MTF2: variants seen among roughly 807,000 people sequenced by gnomAD.
MTF2 encodes the protein metal-response element-binding transcription factor 2.
A neutral mutation model predicts 79.5 loss-of-function variants in MTF2; 11 were observed. The ratio of observed to expected loss-of-function variants is 0.14; its 90% CI spans 0.09 to 0.23. The LOEUF (loss-of-function observed/expected upper bound fraction) is 0.23. Ranked by LOEUF, MTF2 falls within the 10% of genes least tolerant of loss-of-function variation. The pLI is 1.00. For missense variants in MTF2, 486 were observed against 711.2 expected, an observed-to-expected ratio of 0.68 and a Z score of 3.60; for synonymous variants, 208 against 232.8, an observed-to-expected ratio of 0.89 and a Z score of 0.97.
chr1:93,097,024 G>T (rs1655319100), intron 1 of MTF2, among the ~76,000 whole-genome samples: 1 of 151,764 alleles, frequency 6.6e-6, no homozygotes, highest in African/African-American at 2.4e-5. Flanking sequence ...TGCCTAGGCT[G>T]GTCTCAAACT....
intron 1 of MTF2, among the ~76,000 whole-genome samples, chr1:93,094,651 A>G (rs1304934621): frequency 6.6e-6 from 1 of 151,418 alleles, no homozygotes; most frequent in Non-Finnish European, 1.5e-5. Flanking sequence ...CTAGATCTAG[A>G]GGCTTACCAG....
At chr1:93,079,769 C>T (rs1654523666) in intron 1 of MTF2, among the ~76,000 whole-genome samples, 1 of 150,954 alleles carries the variant, frequency 6.6e-6, no homozygotes, top group Non-Finnish European at 1.5e-5. Context: ...TTGGGGGAGT[C>T]TGTTGGAGGA....
intron 1 of MTF2, among the ~76,000 whole-genome samples, chr1:93,088,548 T>C (rs183587621): frequency 6.6e-6 from 1 of 152,310 alleles, no homozygotes; most frequent in African/African-American, 2.4e-5. Flanking sequence ...ATACTTGATA[T>C]ATTATATTTA....
intron 1 of MTF2, among the ~76,000 whole-genome samples, chr1:93,101,454 A>G (rs561966150): frequency 2.2e-3 from 308 of 139,784 alleles, no homozygotes; most frequent in Admixed American, 3.6e-3. Flanking sequence ...ATTCCAGCTC[A>G]CTGCAGTCTC....
At position 93,120,533 on chromosome 1, in the gene MTF2, T is replaced by G; in HGVS notation, c.798-16T>G. 6.4e-7 allele frequency: 1 copy of G among 1,557,530 alleles called. No homozygotes were observed. Among genetic ancestry groups the G allele is most frequent in the Non-Finnish European group, 8.6e-7 (1 of 1,157,286 alleles). The stretch of plus-strand genomic sequence containing the variant: ...AAAAACATTGTTTTGTGTATTTGAT[T>G]ATTTTCGGATTCCAGGGTAGATATA... On this transcript the variant is annotated splice_polypyrimidine_tract_variant and intron_variant, in intron 8 of 14. Coordinates refer to ENST00000370298, the MANE Select transcript of MTF2 (RefSeq NM_007358.4).
At chr1:93,107,815 C>T (rs1204133702) in intron 1 of MTF2, among the ~76,000 whole-genome samples, 2 of 151,778 alleles carry the variant, frequency 1.3e-5, no homozygotes, top group East Asian at 1.9e-4. Context: ...GGTTCTCTCT[C>T]TGTTGCTCAG....
At chr1:93,119,241 G>C in intron 7 of MTF2, 92 bp from the exon 8 acceptor site, 1 of 832,618 alleles carries the variant, frequency 1.2e-6, no homozygotes, top group Non-Finnish European at 1.9e-6. Flanking sequence ...TATATCAGCT[G>C]TAGGTTATTC....
intron 9 of MTF2, chr1:93,121,454 C>CT (rs1276274802): frequency 1.7e-5 from 16 of 956,690 alleles, no homozygotes; most frequent in East Asian, 1.2e-4. Context: ...CTTAGTCATG[C>CT]TTTTTTTTAG....
intron 11 of MTF2, 73 bp from the exon 12 acceptor site, chr1:93,133,630 A>G (rs1647231646): frequency 1.2e-6 from 1 of 862,744 alleles, no homozygotes; most frequent in African/African-American, 1.7e-5. Context: ...ATATGTGTCT[A>G]GTTACATACA....
chr1:93,111,589 T>G (rs1030804933), intron 3 of MTF2, among the ~76,000 whole-genome samples: 11 of 152,170 alleles, frequency 7.2e-5, no homozygotes, highest in African/African-American at 2.7e-4. Context: ...TCTGTATAGT[T>G]GGTACTCAGG....
chr1:93,085,350 G>GTATTT (rs1191670871), intron 1 of MTF2, among the ~76,000 whole-genome samples: 1 of 151,034 alleles, frequency 6.6e-6, no homozygotes, highest in Non-Finnish European at 1.5e-5. Flanking sequence ...TAATTTTTTT[G>GTATTT]TATTTTTTAG....
chr1:93,129,519 T>G, intron 11 of MTF2, 71 bp downstream of exon 11: 1 of 1,184,572 alleles, frequency 8.4e-7, no homozygotes, highest in Non-Finnish European at 1.1e-6. Flanking sequence ...TTATTTAGTC[T>G]CCTTAGTATA....
At chr1:93,127,204 C>T (rs1310038463) in intron 9 of MTF2, 28 bp from the exon 10 acceptor site, 16 of 1,531,136 alleles carry the variant, frequency 1.0e-5, no homozygotes, top group East Asian at 2.3e-5. Context: ...AATTGTAGTG[C>T]GTTAAATTGT....
chr1:93,137,615 A>G lies in MTF2; in HGVS notation c.*588A>G, dbSNP rs763013035. 1 of 31,530 alleles carries G rather than the reference A, an allele frequency of 3.2e-5. No homozygotes were observed. Among genetic ancestry groups the G allele is most frequent in the Non-Finnish European group, 7.0e-5 (1 of 14,228 alleles). 2.0% of individuals were successfully genotyped at this position (31,530 alleles called of 1,614,324 possible). On this transcript the variant is annotated 3_prime_UTR_variant, in exon 15 of 15. Transcript: ENST00000370298. ...TCTTAATATATTCTTGCATGTGCAT[A>G]TATATACACACGTGTATATATATGT...
At chr1:93,079,603 G>A (rs1442013201) in intron 1 of MTF2, 72 bp downstream of exon 1, 5 of 1,573,604 alleles carry the variant, frequency 3.2e-6, no homozygotes, top group Admixed American at 1.7e-5. Context: ...AAGAAAGGAA[G>A]CAAGTATAAA....
chr1:93,121,637 G>A (rs1656484320), intron 9 of MTF2: 1 of 971,962 alleles, frequency 1.0e-6, no homozygotes, highest in Non-Finnish European at 1.2e-6. Context: ...TTAAAATCTA[G>A]GATATTATTG....
At chr1:93,131,122 G>A (rs1207577161) in intron 11 of MTF2, among the ~76,000 whole-genome samples, 5 of 152,136 alleles carry the variant, frequency 3.3e-5, no homozygotes, top group Non-Finnish European at 7.4e-5. Context: ...AGTAGAGAGA[G>A]AAGAGAGGGT....
At chr1:93,108,396 G>A (rs1024346999) in intron 1 of MTF2, among the ~76,000 whole-genome samples, 2 of 152,034 alleles carry the variant, frequency 1.3e-5, no homozygotes, top group African/African-American at 2.4e-5. Flanking sequence ...TTGTTTATCT[G>A]GGAGTTTGTA....
At chr1:93,101,386 TTTTTTTA>T (rs1243175553) in intron 1 of MTF2, among the ~76,000 whole-genome samples, 20 of 130,846 alleles carry the variant, frequency 1.5e-4, no homozygotes, top group African/African-American at 6.0e-4. Context: ...TTTTTTTTTT[TTTTTTTA>T]AAAGGAGATA....
Sources: gnomAD v4.1 joint callset for allele counts (sites outside exome capture counted in the v4.1 genomes callset) on GRCh38, gnomAD v4.1.1 for gene constraint, MANE v1.5 for transcripts, NCBI Gene and HGNC (gene_info 2026-07-23, HGNC 2026-07-21) for gene names.